Variants in SH3RF1 observed in about 807,000 individuals in gnomAD.
SH3RF1 encodes the protein E3 ubiquitin-protein ligase SH3RF1.
A neutral mutation model predicts 74.0 loss-of-function variants in SH3RF1; 32 were observed. That is an observed-to-expected ratio of 0.43 (90% CI 0.33 to 0.58). The LOEUF is 0.58. Ranked by LOEUF, SH3RF1 falls within the 20% of genes least tolerant of loss-of-function variation. The probability of loss-of-function intolerance (pLI) is 0.05; values close to 1 mark genes in which losing one functional copy is unlikely to be tolerated. For missense variants in SH3RF1, 954 were observed against 1,130.9 expected (o/e 0.84, Z 2.24); for synonymous variants, 396 against 439.6 (o/e 0.90, Z 1.24).
intron 2 of SH3RF1, among the ~76,000 whole-genome samples, chr4:169,266,635 G>A (rs1345343172): frequency 6.8e-6 from 1 of 147,642 alleles, no homozygotes; most frequent in African/African-American, 2.5e-5. Flanking sequence ...CAGGGGATGG[G>A]GGAGGGGTAG....
At chr4:169,109,462 C>T (rs924446890) in intron 10 of SH3RF1, among the ~76,000 whole-genome samples, 4 of 152,146 alleles carry the variant, frequency 2.6e-5, no homozygotes, top group Non-Finnish European at 4.4e-5. Context: ...TGACTACCCA[C>T]AGAACAGAAG....
chr4:169,120,964 G>T lies in SH3RF1; in HGVS notation c.1372C>A (p.Pro458Thr). 2.5e-6 allele frequency: 4 copies of T among 1,613,972 alleles called. No homozygotes were observed. Among genetic ancestry groups the T allele is most frequent in the Non-Finnish European group, 3.4e-6 (4 of 1,179,878 alleles). ...SVYVAIYPYTPRKEDELELRK... is the reference protein window; with the variant it reads ...SVYVAIYPYTTRKEDELELRK... ...AGCTCTAGTTCATCCTCTTTCCGAG[G>T]AGTGTATGGATATATAGCAACATAC... The change falls in exon 8 of 12, where the codon CCT becomes ACT. Residue 458 changes from proline to threonine, a missense_variant. Coordinates refer to ENST00000284637, the MANE Select transcript of SH3RF1 (RefSeq NM_020870.4).
At chr4:169,143,957 T>G (rs1009105268) in intron 4 of SH3RF1, among the ~76,000 whole-genome samples, 1 of 152,210 alleles carries the variant, frequency 6.6e-6, no homozygotes, top group Non-Finnish European at 1.5e-5. Context: ...AAAAAGGGAC[T>G]GTCAGAGAAA....
rs534045997 is a variant in SH3RF1, at chr4:169,127,979, A to T, written c.1179+2067T>A. Among the ~76,000 whole-genome samples, 43 of 152,340 alleles carry T rather than the reference A, an allele frequency of 2.8e-4. 1 individual carries two copies. The highest frequency in any genetic ancestry group is 1.0e-3 in the African/African-American group (42 of 41,578). ...CAAATCCAAAAATCTGAAATCCGAA[A>T]TGCTCCAATGAGCACTTCCTTTGAG... is the stretch of plus-strand genomic sequence containing the variant. On this transcript the variant is annotated intron_variant, in intron 6 of 11. Transcript: ENST00000284637.
At chr4:169,136,769 T>C (rs891006233) in intron 4 of SH3RF1, 149 bp from the exon 5 acceptor site, 2 of 628,478 alleles carry the variant, frequency 3.2e-6, no homozygotes, top group African/African-American at 3.7e-5. Context: ...ATGTGAGATA[T>C]CTCTTCTCTC....
At chr4:169,136,697 G>A (rs1733709125) in intron 4 of SH3RF1, 77 bp from the exon 5 acceptor site, 3 of 1,412,920 alleles carry the variant, frequency 2.1e-6, no homozygotes, top group Non-Finnish European at 2.8e-6. Context: ...TTTCCAACAT[G>A]ATTTCATCCA....
chr4:169,182,576 A>G (rs1734528625), intron 2 of SH3RF1, among the ~76,000 whole-genome samples: 1 of 152,206 alleles, frequency 6.6e-6, no homozygotes, highest in South Asian at 2.1e-4. Flanking sequence ...AGTCTCTATC[A>G]CAGACTAATT....
At position 169,269,137 on chromosome 4, in the gene SH3RF1, A is replaced by G. The variant is rs1731403599; in HGVS notation, c.76T>C (p.Leu26=). ...LERLDASAKV[L]PCQHTFCKRC... ...TTGCAAAACGTATGCTGGCAAGGCA[A>G]GACCTTCGCAGAAGCATCAAGGCGC... Residue 26 remains leucine (L), a synonymous_variant, in exon 2 of 12, where the codon TTG becomes CTG. Coordinates refer to ENST00000284637, the MANE Select transcript of SH3RF1 (RefSeq NM_020870.4). 2 of 1,613,564 alleles carry G rather than the reference A, an allele frequency of 1.2e-6. No individual in the cohort carries two copies. The highest frequency in any genetic ancestry group is 1.1e-5 in the South Asian group (1 of 91,082).
chr4:169,190,426 C>T (rs1044301757), intron 2 of SH3RF1, among the ~76,000 whole-genome samples: 2 of 151,944 alleles, frequency 1.3e-5, no homozygotes, highest in Non-Finnish European at 2.9e-5. Flanking sequence ...AAAGATCATT[C>T]GAGGTTACTA....
chr4:169,165,641 G>GT (rs993512818), intron 2 of SH3RF1, among the ~76,000 whole-genome samples: 1 of 151,942 alleles, frequency 6.6e-6, no homozygotes, highest in Non-Finnish European at 1.5e-5. Context: ...AAAAGGCGGG[G>GT]GGGGGAGTCA....
rs2608851 is a variant in SH3RF1, at chr4:169,094,337, C to T, written c.*2182G>A. ...ATTAACATGAAAAGGAGTGATAAAT[C>T]GCAATTTTATCATTACCATATCACT... On this transcript the variant is annotated 3_prime_UTR_variant, in exon 12 of 12. Transcript: ENST00000284637. 0.95 allele frequency: 145,072 copies of T among 152,100 alleles called. 69,532 individuals are homozygous for T. Among genetic ancestry groups the T allele is most frequent in the East Asian group, 1 (5,180 of 5,180 alleles). The allele number at this position is 152,100 out of a possible 1,614,324, so 9.4% of individuals were successfully genotyped here.
Position 169,255,956 on chromosome 4 carries a change from T to C in SH3RF1, c.393+12864A>G, listed in dbSNP as rs566644088. On this transcript the variant is annotated intron_variant, in intron 2 of 11. Transcript: ENST00000284637. ...CTAATTTTTTTGTTTTTGGTAAAGA[T>C]GAGGTTTTGCTATGTTGCCCAGGCT... 5.9e-5 allele frequency among the ~76,000 whole-genome samples: 9 copies of C among 151,864 alleles called. No homozygotes were observed. The South Asian group carries it at 1.9e-3, about 32-fold the overall frequency.
At chr4:169,208,377 A>G (rs1730296270) in intron 2 of SH3RF1, among the ~76,000 whole-genome samples, 1 of 152,142 alleles carries the variant, frequency 6.6e-6, no homozygotes, top group Admixed American at 6.6e-5. Context: ...GCCTAAAGAA[A>G]GTCTTGTAAT....
At chr4:169,140,979 TC>T (rs142100181) in intron 4 of SH3RF1, among the ~76,000 whole-genome samples, 30 of 149,936 alleles carry the variant, frequency 2.0e-4, no homozygotes, top group Non-Finnish European at 4.5e-5. Flanking sequence ...TTTTGTTTTT[TC>T]TTTTCTTTTT....
intron 11 of SH3RF1, among the ~76,000 whole-genome samples, chr4:169,100,135 C>T (rs541259660): frequency 6.6e-6 from 1 of 152,304 alleles, no homozygotes; most frequent in South Asian, 2.1e-4. Flanking sequence ...TTTACATCTG[C>T]TGCTCCACCC....
Position 169,269,159 on chromosome 4 carries a change from G to A in SH3RF1, c.54C>T (p.Arg18=). The A allele has an allele frequency of 6.2e-7, 1 of 1,611,036 alleles. No individual in the cohort carries two copies. The highest frequency in any genetic ancestry group is 8.5e-7 in the Non-Finnish European group (1 of 1,179,820). ...DLLECPVCLE[R]LDASAKVLPC... is the part of the protein sequence containing the mutation. ...GCAAGACCTTCGCAGAAGCATCAAG[G>A]CGCTCTAGACACACCGGACACTCCA... Residue 18 remains arginine, a synonymous_variant, in exon 2 of 12, where the codon CGC becomes CGT. Coordinates refer to ENST00000284637, the MANE Select transcript of SH3RF1 (RefSeq NM_020870.4).
intron 2 of SH3RF1, among the ~76,000 whole-genome samples, chr4:169,250,458 AT>A (rs1380073467): frequency 6.6e-6 from 1 of 152,242 alleles, no homozygotes; most frequent in Non-Finnish European, 1.5e-5. Flanking sequence ...CAATTTAAAC[AT>A]CTGAATGAAT....
intron 10 of SH3RF1, among the ~76,000 whole-genome samples, chr4:169,114,754 A>T (rs1733303460): frequency 6.6e-6 from 1 of 152,218 alleles, no homozygotes; most frequent in African/African-American, 2.4e-5. Context: ...ACAAATATCA[A>T]TCTTTTTCAA....
At chr4:169,211,654 G>C (rs1183635586) in intron 2 of SH3RF1, among the ~76,000 whole-genome samples, 1 of 151,782 alleles carries the variant, frequency 6.6e-6, no homozygotes, top group Non-Finnish European at 1.5e-5. Flanking sequence ...CGTGCTTCTA[G>C]AGCATTTTTC....
Sources: gnomAD v4.1 joint callset for allele counts (sites outside exome capture counted in the v4.1 genomes callset) on GRCh38, gnomAD v4.1.1 for gene constraint, MANE v1.5 for transcripts, NCBI Gene and HGNC (gene_info 2026-07-23, HGNC 2026-07-21) for gene names.